The following MAP4K5 variants were observed in gnomAD, a reference collection of about 807,000 sequenced individuals.
MAP4K5 encodes MAPK/ERK kinase kinase kinase 5.
Under a neutral mutation model 135.6 loss-of-function variants are expected in MAP4K5, and 82 were observed. The ratio of observed to expected loss-of-function variants is 0.60; its 90% CI spans 0.51 to 0.73. The LOEUF (loss-of-function observed/expected upper bound fraction) is 0.73. MAP4K5 is among the 30% of genes least tolerant of loss of function. The pLI, the probability that MAP4K5 is intolerant of heterozygous loss-of-function variation, is 0.00. For synonymous variants in MAP4K5, 347 were observed against 335.0 expected, an observed-to-expected ratio of 1.04 and a Z score of -0.39; for missense variants, 907 against 1,010.9, an observed-to-expected ratio of 0.90 and a Z score of 1.39.
At chr14:50,525,458 G>A (rs879418375) in intron 2 of MAP4K5, among the ~76,000 whole-genome samples, 9 of 151,924 alleles carry the variant, frequency 5.9e-5, no homozygotes, top group Admixed American at 2.6e-4. Context: ...ACTCTCATCC[G>A]GATTATTCGG....
At chr14:50,491,508 G>C (rs902944966) in intron 3 of MAP4K5, among the ~76,000 whole-genome samples, 8 of 151,714 alleles carry the variant, frequency 5.3e-5, no homozygotes, top group Non-Finnish European at 1.5e-5. Flanking sequence ...TGTTGGCCAG[G>C]ATGGTCTCAA....
chr14:50,508,463 A>C (rs561577694), intron 2 of MAP4K5, among the ~76,000 whole-genome samples: 4 of 152,190 alleles, frequency 2.6e-5, no homozygotes, highest in Non-Finnish European at 5.9e-5. Flanking sequence ...AACTATCCCA[A>C]GGACAGAAAA....
At chr14:50,488,486 G>A (rs2037416227) in intron 3 of MAP4K5, among the ~76,000 whole-genome samples, 1 of 152,176 alleles carries the variant, frequency 6.6e-6, no homozygotes, top group Non-Finnish European at 1.5e-5. Context: ...TTAAGTCTGG[G>A]ATTTAGAACA....
At chr14:50,423,505 A>T (rs2035778718) in intron 31 of MAP4K5, among the ~76,000 whole-genome samples, 1 of 152,016 alleles carries the variant, frequency 6.6e-6, no homozygotes, top group Non-Finnish European at 1.5e-5. Context: ...TCAAGACTTG[A>T]ATACAGGTTT....
chr14:50,422,019 G>A (rs1324079692), intron 32 of MAP4K5, among the ~76,000 whole-genome samples: 2 of 151,808 alleles, frequency 1.3e-5, no homozygotes, highest in Non-Finnish European at 2.9e-5. Context: ...AACCTTCCGA[G>A]TAGCTGGGAT....
intron 1 of MAP4K5, among the ~76,000 whole-genome samples, chr14:50,556,844 A>G (rs1041634862): frequency 7.9e-5 from 12 of 152,202 alleles, no homozygotes; most frequent in Admixed American, 2.6e-4. Context: ...TTTATGATCA[A>G]ATAATGTTCT....
intron 21 of MAP4K5, 25 bp downstream of exon 21, chr14:50,442,707 T>G: frequency 1.5e-6 from 2 of 1,315,424 alleles, no homozygotes; most frequent in South Asian, 1.3e-5. Context: ...TTATTGGAGA[T>G]GTATATAAAA....
At chr14:50,479,011 T>C (rs2037172511) in intron 6 of MAP4K5, among the ~76,000 whole-genome samples, 1 of 150,444 alleles carries the variant, frequency 6.6e-6, no homozygotes, top group African/African-American at 2.4e-5. Flanking sequence ...TTTCGTTTTT[T>C]TTTTTTTTGT....
At chr14:50,428,349 G>A (rs1216827840) in intron 30 of MAP4K5, among the ~76,000 whole-genome samples, 2 of 151,946 alleles carry the variant, frequency 1.3e-5, no homozygotes, top group Admixed American at 6.6e-5. Context: ...TCCGCCTCGC[G>A]GGTTCAAGCG....
chr14:50,469,138 T>C (rs1019062383), intron 9 of MAP4K5, among the ~76,000 whole-genome samples: 1 of 152,118 alleles, frequency 6.6e-6, no homozygotes, highest in Non-Finnish European at 1.5e-5. Flanking sequence ...GACTTCTAAG[T>C]AGGGTGGGGA....
chr14:50,476,225 G>A, intron 7 of MAP4K5, 34 bp downstream of exon 7: 1 of 1,476,710 alleles, frequency 6.8e-7, no homozygotes, highest in Non-Finnish European at 9.1e-7. Context: ...TCTTCCAATA[G>A]AATTGGCAAT....
intron 9 of MAP4K5, among the ~76,000 whole-genome samples, chr14:50,469,378 T>C (rs1397098026): frequency 2.0e-5 from 3 of 152,180 alleles, no homozygotes; most frequent in African/African-American, 7.2e-5. Context: ...AAATAACACA[T>C]GGTTAGAGAA....
intron 28 of MAP4K5, among the ~76,000 whole-genome samples, chr14:50,433,346 TGGA>T (rs896990384): frequency 7.9e-5 from 12 of 152,340 alleles, no homozygotes; most frequent in African/African-American, 2.9e-4. Flanking sequence ...CAGTGCATGC[TGGA>T]GCTGGCTTGT....
Position 50,482,361 on chromosome 14 carries a change from C to T in MAP4K5, c.378G>A (p.Gln126=). The change falls in exon 6 of 33, where the codon CAG becomes CAA. Residue 126 remains glutamine, a splice_region_variant and synonymous_variant. Coordinates refer to ENST00000682126, the MANE Select transcript of MAP4K5 (RefSeq NM_006575.6). ...QIAYVCRETL[Q]GLAYLHTKGK... The stretch of plus-strand genomic sequence containing the variant: ...TAACTATATTAAGAAAATATAGTAC[C>T]TGTAAGGTTTCTCTGCATACATAGG... The T allele has an allele frequency of 1.3e-6, 2 of 1,498,676 alleles. No homozygotes were observed. Among genetic ancestry groups the T allele is most frequent in the Non-Finnish European group, 1.8e-6 (2 of 1,123,576 alleles). 92.8% of individuals were successfully genotyped at this position (1,498,676 alleles called of 1,614,324 possible).
chr14:50,420,216 G>A (rs918792281), intron 32 of MAP4K5, 110 bp from the exon 33 acceptor site: 25 of 713,808 alleles, frequency 3.5e-5, no homozygotes, highest in Middle Eastern at 2.4e-4. Context: ...GTAAGATTAC[G>A]TAAGGATCAC....
At chr14:50,547,543 C>T (rs2038649162) in intron 1 of MAP4K5, among the ~76,000 whole-genome samples, 1 of 152,176 alleles carries the variant, frequency 6.6e-6, no homozygotes, top group African/African-American at 2.4e-5. Context: ...TGAAATAATA[C>T]TGCCTACCAG....
At chr14:50,470,477 C>T (rs2036932323) in intron 9 of MAP4K5, among the ~76,000 whole-genome samples, 1 of 152,060 alleles carries the variant, frequency 6.6e-6, no homozygotes, top group African/African-American at 2.4e-5. Flanking sequence ...TTATCTAACT[C>T]ACCTATATCT....
intron 3 of MAP4K5, among the ~76,000 whole-genome samples, chr14:50,489,127 T>C (rs1011617363): frequency 6.6e-6 from 1 of 152,198 alleles, no homozygotes; most frequent in Non-Finnish European, 1.5e-5. Flanking sequence ...TCAGAGAACT[T>C]AGGCTTGTAG....
Position 50,443,784 on chromosome 14 carries a change from A to T in MAP4K5, c.1438-14T>A. On this transcript the variant is annotated splice_polypyrimidine_tract_variant and intron_variant, in intron 19 of 32. Coordinates refer to ENST00000682126, the MANE Select transcript of MAP4K5 (RefSeq NM_006575.6). Reference sequence around the variant, plus strand: ...GATGGCTGGTTTCTATGGGAAAAATAAAATTTACTAGTGTAAGACCTCCTA... The same window carrying T: ...GATGGCTGGTTTCTATGGGAAAAATTAAATTTACTAGTGTAAGACCTCCTA... 2 of 1,594,130 alleles carry T rather than the reference A, an allele frequency of 1.3e-6. No homozygotes were observed. Among genetic ancestry groups the T allele is most frequent in the Non-Finnish European group, 1.7e-6 (2 of 1,173,200 alleles).
Sources: allele counts gnomAD v4.1 joint callset (sites outside exome capture counted in the v4.1 genomes callset), GRCh38; gene constraint gnomAD v4.1.1; transcripts MANE v1.5; gene names NCBI Gene and HGNC (gene_info 2026-07-23, HGNC 2026-07-21).